The following DSCAM variants were observed in gnomAD, a reference collection of about 807,000 sequenced individuals.
The protein encoded by DSCAM is cell adhesion molecule DSCAM.
DSCAM carries 47 observed loss-of-function variants against 217.7 expected under a neutral mutation model. The observed-to-expected ratio is 0.22, with a 90% CI of 0.17 to 0.28. The LOEUF (loss-of-function observed/expected upper bound fraction) is 0.28, where lower values mean the gene tolerates loss of function less well. Among genes scored for constraint, DSCAM ranks in the 10% least tolerant of loss-of-function variants. The probability of loss-of-function intolerance (pLI) is 1.00; values close to 1 mark genes in which losing one functional copy is unlikely to be tolerated. For missense variants in DSCAM, 2,080 were observed against 2,618.3 expected (o/e 0.79, Z 4.49); for synonymous variants, 1,056 against 1,015.3 (o/e 1.04, Z -0.76).
At chr21:40,219,948 T>C (rs1270732201) in intron 11 of DSCAM, among the ~76,000 whole-genome samples, 1 of 152,186 alleles carries the variant, frequency 6.6e-6, no homozygotes, top group Non-Finnish European at 1.5e-5. Flanking sequence ...ATTCTATACT[T>C]CCATAAAAGA....
At position 40,282,668 on chromosome 21, in the gene DSCAM, A is replaced by G. The variant is rs1005987129; in HGVS notation, c.2183-6398T>C. On this transcript the variant is annotated intron_variant, in intron 10 of 32. Coordinates refer to ENST00000400454, the MANE Select transcript of DSCAM (RefSeq NM_001389.5). ...AATTATATAAAACTGTATTTAAGAAACTGAAAATCAAATAACATGCTGGTG... is the reference window on the plus strand; with the variant it reads ...AATTATATAAAACTGTATTTAAGAAGCTGAAAATCAAATAACATGCTGGTG... 4.0e-5 allele frequency among the ~76,000 whole-genome samples: 6 copies of G among 151,788 alleles called. 1 individual carries two copies. The highest frequency in any genetic ancestry group is 1.2e-4 in the African/African-American group (5 of 41,392).
At chr21:40,744,117 G>A (rs188689449) in intron 1 of DSCAM, among the ~76,000 whole-genome samples, 248 of 152,308 alleles carry the variant, frequency 1.6e-3, no homozygotes, top group Non-Finnish European at 1.7e-3. Context: ...GGTTTCTAAG[G>A]TGGGAAGATG....
intron 1 of DSCAM, among the ~76,000 whole-genome samples, chr21:40,723,605 C>T (rs1032332002): frequency 4.6e-5 from 7 of 152,110 alleles, no homozygotes; most frequent in Admixed American, 6.6e-5. Flanking sequence ...AATAGAAGCC[C>T]TCACATTTTT....
intron 10 of DSCAM, among the ~76,000 whole-genome samples, chr21:40,281,089 C>T (rs1305054542): frequency 7.0e-6 from 1 of 142,262 alleles, no homozygotes; most frequent in Non-Finnish European, 1.5e-5. Context: ...GCCACACATG[C>T]ATTCCAGACC....
intron 3 of DSCAM, among the ~76,000 whole-genome samples, chr21:40,579,480 G>C (rs909351566): frequency 3.3e-5 from 5 of 152,038 alleles, no homozygotes; most frequent in African/African-American, 9.7e-5. Context: ...CGAAAGAAGA[G>C]ACAATATTTG....
intron 3 of DSCAM, among the ~76,000 whole-genome samples, chr21:40,563,343 C>G (rs2076735338): frequency 6.6e-6 from 1 of 151,582 alleles, no homozygotes; most frequent in African/African-American, 2.4e-5. Flanking sequence ...AGCAGAAATA[C>G]TACCTATATT....
intron 11 of DSCAM, among the ~76,000 whole-genome samples, chr21:40,263,733 C>CA (rs901348844): frequency 6.6e-6 from 1 of 151,238 alleles, no homozygotes; most frequent in Non-Finnish European, 1.5e-5. Flanking sequence ...CAAATTGAAA[C>CA]AAAAAAATTA....
At chr21:40,612,891 A>G (rs1043295836) in intron 3 of DSCAM, among the ~76,000 whole-genome samples, 1 of 152,066 alleles carries the variant, frequency 6.6e-6, no homozygotes, top group African/African-American at 2.4e-5. Context: ...TGTTTTCTCC[A>G]TTTCTGTTTT....
At chr21:40,640,878 T>C (rs1309939921) in intron 3 of DSCAM, among the ~76,000 whole-genome samples, 1 of 151,774 alleles carries the variant, frequency 6.6e-6, no homozygotes, top group Admixed American at 6.6e-5. Context: ...CAGGGGACAA[T>C]GAGATGTCAG....
At chr21:40,539,974 C>T (rs906496696) in intron 3 of DSCAM, among the ~76,000 whole-genome samples, 4 of 152,148 alleles carry the variant, frequency 2.6e-5, no homozygotes, top group Non-Finnish European at 4.4e-5. Context: ...CCTGTCCTTA[C>T]TTGCATAGTA....
At chr21:40,387,047 T>TA (rs2075092791) in intron 3 of DSCAM, among the ~76,000 whole-genome samples, 1 of 152,202 alleles carries the variant, frequency 6.6e-6, no homozygotes, top group South Asian at 2.1e-4. Flanking sequence ...TCTGACTATG[T>TA]AAAAAACTAA....
Position 40,349,149 on chromosome 21 carries a change from A to AAG in DSCAM, c.935-1205_935-1204insCT, listed in dbSNP as rs1479565631. Among the ~76,000 whole-genome samples, 11 of 146,702 alleles carry AAG rather than the reference A, an allele frequency of 7.5e-5. 2 individuals carry two copies. The highest frequency in any genetic ancestry group is 6.9e-3 in the Middle Eastern group (2 of 288). On this transcript the variant is annotated intron_variant, in intron 5 of 32. Transcript: ENST00000400454. ...GAGACTCCATCTCAAAAAAAAAAAA[A>AAG]AAAAAAGAAATGCAACATGCTGGCT...
Position 40,757,454 on chromosome 21 carries a change from T to C in DSCAM, c.44-48683A>G, listed in dbSNP as rs186418957. 5.3e-4 allele frequency among the ~76,000 whole-genome samples: 81 copies of C among 152,360 alleles called. 1 individual carries two copies. Among genetic ancestry groups the C allele is most frequent in the Non-Finnish European group, 7.8e-4 (53 of 68,046 alleles). On this transcript the variant is annotated intron_variant, in intron 1 of 32. Coordinates refer to ENST00000400454, the MANE Select transcript of DSCAM (RefSeq NM_001389.5). Reference sequence around the variant, plus strand: ...TCATGCATGTCCTGTGCAACGTGACTTGGCTGCTCCCCTGACTTCTCTACT... The same window carrying C: ...TCATGCATGTCCTGTGCAACGTGACCTGGCTGCTCCCCTGACTTCTCTACT...
At chr21:40,510,797 T>G (rs1387781567) in intron 3 of DSCAM, among the ~76,000 whole-genome samples, 1 of 152,228 alleles carries the variant, frequency 6.6e-6, no homozygotes, top group Admixed American at 6.5e-5. Flanking sequence ...GTAAGTTACA[T>G]AGTAAACAGT....
chr21:40,753,945 G>T (rs1484699422), intron 1 of DSCAM, among the ~76,000 whole-genome samples: 1 of 152,164 alleles, frequency 6.6e-6, no homozygotes, highest in African/African-American at 2.4e-5. Flanking sequence ...CACTTAACCT[G>T]TCCACACTTC....
At chr21:40,695,875 T>C (rs1022911597) in intron 2 of DSCAM, among the ~76,000 whole-genome samples, 2 of 152,162 alleles carry the variant, frequency 1.3e-5, no homozygotes, top group African/African-American at 2.4e-5. Context: ...ATCTTTGTAA[T>C]AGAGCATTGT....
intron 2 of DSCAM, among the ~76,000 whole-genome samples, chr21:40,695,531 G>T (rs548250995): frequency 7.2e-5 from 11 of 152,308 alleles, no homozygotes; most frequent in Non-Finnish European, 1.6e-4. Context: ...TCTCAAAGCA[G>T]GGACAGCACT....
chr21:40,327,042 AATT>A (rs542022925), intron 8 of DSCAM, among the ~76,000 whole-genome samples: 1 of 151,962 alleles, frequency 6.6e-6, no homozygotes, highest in Admixed American at 6.6e-5. Context: ...ATATTTAAAC[AATT>A]TACATGTGTT....
Position 40,016,113 on chromosome 21 carries a change from C to G in DSCAM, c.5687-2727G>C, listed in dbSNP as rs2088152994. On this transcript the variant is annotated intron_variant, in intron 32 of 32. Transcript: ENST00000400454. This position sits in a 1 kb window ranked among gnomAD's most constrained non-coding sequence, Gnocchi z 4.3. ...GAGAATGGGCTGGTGGTGTGTGGTCCTGGAGCGAGGGCCCAGGGTAAAGGA... is the reference window on the plus strand; with the variant it reads ...GAGAATGGGCTGGTGGTGTGTGGTCGTGGAGCGAGGGCCCAGGGTAAAGGA... Among the ~76,000 whole-genome samples, 1 of 152,138 alleles carries G rather than the reference C, an allele frequency of 6.6e-6. No homozygotes were observed. Among genetic ancestry groups the G allele is most frequent in the African/African-American group, 2.4e-5 (1 of 41,438 alleles).
Sources: allele counts gnomAD v4.1 joint callset (sites outside exome capture counted in the v4.1 genomes callset), GRCh38; gene constraint gnomAD v4.1.1; non-coding constraint Gnocchi (gnomAD v3.1); transcripts MANE v1.5; gene names NCBI Gene and HGNC (gene_info 2026-07-23, HGNC 2026-07-21).